CDC37: variants seen among roughly 807,000 people sequenced by gnomAD.
CDC37 encodes the protein hsp90 co-chaperone Cdc37.
Under a neutral mutation model 46.9 loss-of-function variants are expected in CDC37, and 9 were observed. The observed-to-expected ratio is 0.19, with a 90% CI of 0.12 to 0.33. CDC37 has a LOEUF of 0.33. Among genes scored for constraint, CDC37 ranks in the 10% least tolerant of loss-of-function variants. The probability of loss-of-function intolerance (pLI) is 1.00; values close to 1 mark genes in which losing one functional copy is unlikely to be tolerated. For missense variants in CDC37, 388 were observed against 514.6 expected (o/e 0.75, Z 2.38); for synonymous variants, 193 against 191.0 (o/e 1.01, Z -0.09).
At chr19:10,397,502 C>T (rs1479708376) in intron 1 of CDC37, among the ~76,000 whole-genome samples, 2 of 151,350 alleles carry the variant, frequency 1.3e-5, no homozygotes, top group African/African-American at 4.9e-5. Context: ...CCTCTGCCTC[C>T]CGTGTTCAAG....
chr19:10,395,295 A>G lies in CDC37; in HGVS notation c.536T>C (p.Val179Ala). The G allele has an allele frequency of 1.2e-6, 2 of 1,614,124 alleles. No individual in the cohort carries two copies. Among genetic ancestry groups the G allele is most frequent in the Non-Finnish European group, 8.5e-7 (1 of 1,180,012 alleles). Reference sequence around the variant, plus strand: ...GGCTGTCTCCTCGCACACCAGGTGGACGTTGTCTGACAGGTACTTTTGGCT... The same window carrying G: ...GGCTGTCTCCTCGCACACCAGGTGGGCGTTGTCTGACAGGTACTTTTGGCT... ...DDSQKYLSDN[V>A]HLVCEETANY... Residue 179 changes from valine to alanine, a missense_variant, in exon 4 of 8, where the codon GTC becomes GCC. By Grantham distance (64) the Val-to-Ala change is moderately conservative. Coordinates refer to ENST00000222005, the MANE Select transcript of CDC37 (RefSeq NM_007065.4).
chr19:10,396,822 G>A lies in CDC37; in HGVS notation c.103-619C>T, dbSNP rs897044488. On this transcript the variant is annotated intron_variant, in intron 1 of 7. Transcript: ENST00000222005. This position sits in a 1 kb window ranked among gnomAD's most constrained non-coding sequence, Gnocchi z 5.9. The stretch of plus-strand genomic sequence containing the variant: ...TGGGTTCAAGCGATCCTTCCCTCTC[G>A]GCCTCCCAAAGTGCTGGGACTACAG... Among the ~76,000 whole-genome samples the A allele has an allele frequency of 4.6e-5, 7 of 152,014 alleles. No homozygotes were observed. Among genetic ancestry groups the A allele is most frequent in the African/African-American group, 1.5e-4 (6 of 41,364 alleles).
At chr19:10,395,205 G>A (rs781265000) in intron 4 of CDC37, 23 bp downstream of exon 4, 2 of 1,614,022 alleles carry the variant, frequency 1.2e-6, no homozygotes, top group Admixed American at 3.3e-5. Context: ...CCTTTTCACA[G>A]TCCCGGGGAA....
rs28382781 is a variant in CDC37 at position 10,397,205 on chromosome 19, C to T, written c.103-1002G>A. Among the ~76,000 whole-genome samples the T allele has an allele frequency of 8.4e-3, 1,279 of 152,102 alleles. 17 individuals are homozygous for T. The highest frequency in any genetic ancestry group is 0.029 in the African/African-American group (1,185 of 41,492). ...GCCATTTTGTTCCCAGAACCAGGAA[C>T]GTGGCCTGGTGCAAAGCACGGGCTC... On this transcript the variant is annotated intron_variant, in intron 1 of 7. Coordinates refer to ENST00000222005, the MANE Select transcript of CDC37 (RefSeq NM_007065.4).
intron 7 of CDC37, 96 bp downstream of exon 7, chr19:10,392,990 G>T: frequency 8.9e-7 from 1 of 1,121,448 alleles, no homozygotes; most frequent in Non-Finnish European, 1.4e-6. Flanking sequence ...AAGCCTTGGA[G>T]GGGCACTTTC....
Position 10,391,453 on chromosome 19 carries a change from G to A in CDC37, c.*98C>T. On this transcript the variant is annotated 3_prime_UTR_variant, in exon 8 of 8. Coordinates refer to ENST00000222005, the MANE Select transcript of CDC37 (RefSeq NM_007065.4). ...CCCCAGGCTGGGCCGAGCAGCGCAA[G>A]TAGAGGAAGTCAGGAGCGGGCGAGA... The A allele has an allele frequency of 6.8e-7, 1 of 1,476,436 alleles. No individual in the cohort carries two copies. The highest frequency in any genetic ancestry group is 1.4e-5 in the African/African-American group (1 of 72,190). The allele number at this position is 1,476,436 out of a possible 1,614,324, so 91.5% of individuals were successfully genotyped here. A position where few individuals can be genotyped will look rare whatever the true frequency, so the allele number is the denominator to read the frequency against.
Position 10,395,560 on chromosome 19 carries a change from G to C in CDC37, c.379-17C>G, listed in dbSNP as rs201068763. The C allele has an allele frequency of 7.9e-5, 126 of 1,587,890 alleles. 1 individual carries two copies. The East Asian group carries it at 2.5e-3, about 32-fold the overall frequency. On this transcript the variant is annotated splice_polypyrimidine_tract_variant and intron_variant, in intron 2 of 7. Transcript: ENST00000222005. Reference sequence around the variant, plus strand: ...TACCATGCTCTGTGGTAGGGTGAGAGGGGGAGTGGGCTGGGGCAAGGCTGC... The same window carrying C: ...TACCATGCTCTGTGGTAGGGTGAGACGGGGAGTGGGCTGGGGCAAGGCTGC...
In CDC37 at chr19:10,393,187, G is replaced by T; in HGVS notation, c.910-30C>A. Reference sequence around the variant, plus strand: ...GGGTACAGAGGGGCTGGGGTCAGGGGCTGGGTCCCTGTGGCCCTGGGGGGT... The same window carrying T: ...GGGTACAGAGGGGCTGGGGTCAGGGTCTGGGTCCCTGTGGCCCTGGGGGGT... On this transcript the variant is annotated intron_variant, in intron 6 of 7. Transcript: ENST00000222005. The surrounding 1 kb of genome is among the most constrained non-coding windows in gnomAD (Gnocchi z 4.9). 6.2e-7 allele frequency: 1 copy of T among 1,610,590 alleles called. No individual in the cohort carries two copies. The highest frequency in any genetic ancestry group is 8.5e-7 in the Non-Finnish European group (1 of 1,176,938).
In CDC37 at chr19:10,396,304, G is replaced by GCGT. The variant is rs2042492153; in HGVS notation, c.103-104_103-102dup. The GCGT allele has an allele frequency of 2.2e-6, 3 of 1,351,590 alleles. No individual in the cohort carries two copies. Among genetic ancestry groups the GCGT allele is most frequent in the Non-Finnish European group, 3.0e-6 (3 of 987,844 alleles). The allele number at this position is 1,351,590 out of a possible 1,614,324, so 83.7% of individuals were successfully genotyped here. ...CGGAGATGGCCCCAGGAAAAAGTAC[G>GCGT]CGTCCACCTCCCGTGCCCTGGTCTC... On this transcript the variant is annotated intron_variant, in intron 1 of 7. Coordinates refer to ENST00000222005, the MANE Select transcript of CDC37 (RefSeq NM_007065.4). The surrounding 1 kb of genome is among the most constrained non-coding windows in gnomAD (Gnocchi z 5.9).
Position 10,398,904 on chromosome 19 carries a change from T to C in CDC37, c.103-2701A>G, listed in dbSNP as rs1030635726. On this transcript the variant is annotated intron_variant, in intron 1 of 7. Transcript: ENST00000222005. This position sits in a 1 kb window ranked among gnomAD's most constrained non-coding sequence, Gnocchi z 4.2. ...AGCCTTGGTCTTCCCCTCTGTGAAA[T>C]GGAGTCTCACAGGATCGCCGTGAGA... Among the ~76,000 whole-genome samples the C allele has an allele frequency of 1.3e-5, 2 of 152,136 alleles. No homozygotes were observed.
rs1423389434 is a variant in CDC37 at position 10,398,504 on chromosome 19, C to T, written c.103-2301G>A. On this transcript the variant is annotated intron_variant, in intron 1 of 7. Transcript: ENST00000222005. This position sits in a 1 kb window ranked among gnomAD's most constrained non-coding sequence, Gnocchi z 4.2. ...GCCACCATGTACCGGCTGGGTATCC[C>T]GGGCCATCCCCTAACCTCCTGTAAC... Among the ~76,000 whole-genome samples the T allele has an allele frequency of 6.6e-6, 1 of 152,242 alleles. No individual in the cohort carries two copies. Among genetic ancestry groups the T allele is most frequent in the South Asian group, 2.1e-4 (1 of 4,838 alleles).
Position 10,395,156 on chromosome 19 carries a change from ACAGG to A in CDC37, c.604-17_604-14del, listed in dbSNP as rs1257212525. Reference sequence around the variant, plus strand: ...TGAGTGCACATTTCTGCCAGGAAGAACAGGCACAGCGTCACCAAGTGGCGGCCTC... The same window carrying A: ...TGAGTGCACATTTCTGCCAGGAAGAACACAGCGTCACCAAGTGGCGGCCTC... On this transcript the variant is annotated splice_polypyrimidine_tract_variant and intron_variant, in intron 4 of 7. Transcript: ENST00000222005. 2 of 1,606,116 alleles carry A rather than the reference ACAGG, an allele frequency of 1.2e-6. No homozygotes were observed. The highest frequency in any genetic ancestry group is 1.7e-6 in the Non-Finnish European group (2 of 1,173,724).
chr19:10,394,975 C>T, intron 5 of CDC37, 46 bp downstream of exon 5: 1 of 1,508,592 alleles, frequency 6.6e-7, no homozygotes, highest in Non-Finnish European at 8.8e-7. Context: ...TGGGCTGGTT[C>T]CCTGGGGAGG....
chr19:10,400,966 G>T (rs1438842458), intron 1 of CDC37, among the ~76,000 whole-genome samples: 1 of 152,224 alleles, frequency 6.6e-6, no homozygotes, highest in Non-Finnish European at 1.5e-5. Flanking sequence ...ACATCATTCA[G>T]ATTCTCAGGT....
At chr19:10,399,573 G>A (rs1251392074) in intron 1 of CDC37, among the ~76,000 whole-genome samples, 1 of 151,610 alleles carries the variant, frequency 6.6e-6, no homozygotes, top group East Asian at 1.9e-4. Context: ...AGGCCGAGGT[G>A]GGAGGATCAC....
intron 1 of CDC37, among the ~76,000 whole-genome samples, chr19:10,397,242 G>GT (rs148929599): frequency 0.023 from 3,293 of 145,562 alleles, 101 homozygotes; most frequent in African/African-American, 0.07. Flanking sequence ...GCAAATGCTT[G>GT]TTTTTTTTTT....
intron 1 of CDC37, among the ~76,000 whole-genome samples, chr19:10,402,683 T>C (rs1322403092): frequency 6.6e-6 from 1 of 152,130 alleles, no homozygotes; most frequent in Non-Finnish European, 1.5e-5. Context: ...TGAGGCTCTA[T>C]CGGGTTGGAG....
At position 10,403,446 on chromosome 19, in the gene CDC37, C is replaced by T; in HGVS notation, c.34G>A (p.Val12Met). 6.2e-7 allele frequency: 1 copy of T among 1,613,642 alleles called. No homozygotes were observed. The change falls in exon 1 of 8, where the codon GTG becomes ATG. Residue 12 changes from valine (V) to methionine (M), a missense_variant. By Grantham distance (21) the Val-to-Met change is conservative (BLOSUM62 1). Coordinates refer to ENST00000222005, the MANE Select transcript of CDC37 (RefSeq NM_007065.4). ...TGCGTCTCGTCTTCATCATCAGACA[C>T]CTCAATGTGGTCCCACACGCTGTAG... is the stretch of plus-strand genomic sequence containing the variant. ...VDYSVWDHIE[V>M]SDDEDETHPN...
In CDC37 at chr19:10,395,153, A is replaced by G; in HGVS notation, c.604-10T>C. ...CCATGAGTGCACATTTCTGCCAGGA[A>G]GAACAGGCACAGCGTCACCAAGTGG... On this transcript the variant is annotated splice_polypyrimidine_tract_variant and intron_variant, in intron 4 of 7. Coordinates refer to ENST00000222005, the MANE Select transcript of CDC37 (RefSeq NM_007065.4). 1 of 1,604,532 alleles carries G rather than the reference A, an allele frequency of 6.2e-7. No individual in the cohort carries two copies. The highest frequency in any genetic ancestry group is 1.7e-5 in the Admixed American group (1 of 59,680).
Sources: allele counts gnomAD v4.1 joint callset (sites outside exome capture counted in the v4.1 genomes callset), GRCh38; gene constraint gnomAD v4.1.1; non-coding constraint Gnocchi (gnomAD v3.1); transcripts MANE v1.5; gene names NCBI Gene and HGNC (gene_info 2026-07-23, HGNC 2026-07-21).